Variants in LRP1B observed in about 807,000 individuals in gnomAD.
LRP1B encodes the protein LDL receptor related protein 1B.
In LRP1B, 217 loss-of-function variants were observed where a neutral mutation model predicts 556.6. The ratio of observed to expected loss-of-function variants is 0.39; its 90% CI spans 0.35 to 0.44. LRP1B has a LOEUF of 0.44. Among genes scored for constraint, LRP1B ranks in the 20% least tolerant of loss-of-function variants. The probability of loss-of-function intolerance (pLI) is 1.00; values close to 1 mark genes in which losing one functional copy is unlikely to be tolerated. For synonymous variants in LRP1B, 2,047 were observed against 1,865.8 expected, an observed-to-expected ratio of 1.10 and a Z score of -2.50; for missense variants, 5,053 against 5,620.8, an observed-to-expected ratio of 0.90 and a Z score of 3.23.
chr2:141,908,198 T>C (rs1402052295), intron 1 of LRP1B, among the ~76,000 whole-genome samples: 1 of 152,092 alleles, frequency 6.6e-6, no homozygotes, highest in Non-Finnish European at 1.5e-5. Context: ...ACTTGATATA[T>C]ATATGTTATT....
At chr2:141,183,975 C>G (rs1681123926) in intron 7 of LRP1B, among the ~76,000 whole-genome samples, 1 of 152,076 alleles carries the variant, frequency 6.6e-6, no homozygotes, top group Non-Finnish European at 1.5e-5. Flanking sequence ...GAAATGCACT[C>G]TGTCTCAAGT....
chr2:141,344,066 T>C (rs893581603), intron 3 of LRP1B, among the ~76,000 whole-genome samples: 3 of 152,152 alleles, frequency 2.0e-5, no homozygotes, highest in Admixed American at 1.3e-4. Flanking sequence ...TCAGGAAACA[T>C]TGCCCTTTAT....
intron 2 of LRP1B, among the ~76,000 whole-genome samples, chr2:141,516,149 T>C (rs1180875168): frequency 6.6e-6 from 1 of 152,138 alleles, no homozygotes; most frequent in East Asian, 1.9e-4. Flanking sequence ...CAGGAAACTG[T>C]TTCTGGCCAC....
intron 77 of LRP1B, among the ~76,000 whole-genome samples, chr2:140,342,454 C>G (rs973473381): frequency 1.6e-4 from 24 of 151,520 alleles, no homozygotes; most frequent in Admixed American, 2.6e-4. Flanking sequence ...AAATGCAATG[C>G]AACATCAATC....
At chr2:141,894,385 C>T (rs1699374983) in intron 1 of LRP1B, among the ~76,000 whole-genome samples, 2 of 151,980 alleles carry the variant, frequency 1.3e-5, no homozygotes, top group African/African-American at 2.4e-5. Context: ...TCCCTCCTTC[C>T]ATTCCTTCCT....
At chr2:141,352,234 C>T (rs960075752) in intron 3 of LRP1B, among the ~76,000 whole-genome samples, 19 of 151,764 alleles carry the variant, frequency 1.3e-4, no homozygotes, top group Non-Finnish European at 2.9e-5. Flanking sequence ...GTTTGCAATA[C>T]GTGTTTACTA....
intron 86 of LRP1B, among the ~76,000 whole-genome samples, chr2:140,247,391 A>G (rs1290435471): frequency 1.3e-5 from 2 of 151,580 alleles, no homozygotes; most frequent in Non-Finnish European, 3.0e-5. Flanking sequence ...ATTTATAGAC[A>G]TTTTACTTAT....
At chr2:141,954,076 A>C (rs1393386672) in intron 1 of LRP1B, among the ~76,000 whole-genome samples, 1 of 152,154 alleles carries the variant, frequency 6.6e-6, no homozygotes, top group African/African-American at 2.4e-5. Flanking sequence ...GCAATCGCTG[A>C]GAGTAGAAAG....
intron 2 of LRP1B, among the ~76,000 whole-genome samples, chr2:141,683,272 C>A (rs1452228398): frequency 6.6e-6 from 1 of 152,108 alleles, no homozygotes; most frequent in Non-Finnish European, 1.5e-5. Context: ...TTTCTTTGAA[C>A]AGGCTGTTAG....
chr2:141,425,581 G>A (rs1680331504), intron 3 of LRP1B, among the ~76,000 whole-genome samples: 1 of 148,046 alleles, frequency 6.8e-6, no homozygotes, highest in Non-Finnish European at 1.5e-5. Flanking sequence ...TCCAGCACCT[G>A]TTGTTTCCTG....
At chr2:141,504,088 A>G (rs1018201725) in intron 2 of LRP1B, among the ~76,000 whole-genome samples, 2 of 152,142 alleles carry the variant, frequency 1.3e-5, no homozygotes, top group East Asian at 3.9e-4. Context: ...TCACATGTCC[A>G]AAGGAGGGAT....
chr2:141,427,173 G>T (rs1426318531), intron 3 of LRP1B, among the ~76,000 whole-genome samples: 1 of 152,000 alleles, frequency 6.6e-6, no homozygotes, highest in Non-Finnish European at 1.5e-5. Flanking sequence ...AGCAACTTAG[G>T]CATTAAAATC....
intron 4 of LRP1B, among the ~76,000 whole-genome samples, chr2:141,249,008 A>G (rs899666285): frequency 8.5e-5 from 13 of 152,132 alleles, no homozygotes; most frequent in Admixed American, 6.6e-4. Flanking sequence ...AGAGGATGTA[A>G]GAAGTATAGA....
intron 2 of LRP1B, among the ~76,000 whole-genome samples, chr2:141,654,229 A>AT (rs1456769790): frequency 6.6e-6 from 1 of 152,158 alleles, no homozygotes; most frequent in African/African-American, 2.4e-5. Context: ...ATCACATGAG[A>AT]TTTTCTCAAA....
rs75482800 is a variant in LRP1B, at chr2:140,319,942, C to T, written c.12640+2021G>A. Among the ~76,000 whole-genome samples the T allele has an allele frequency of 4.3e-3, 652 of 152,188 alleles. 9 individuals are homozygous for T. The East Asian group carries it at 0.043, about 10-fold the overall frequency. ...ATGATTCACACTTAGCTCTCTGTTA[C>T]AAATTTTCCAACCTTATTACCCAAA... On this transcript the variant is annotated intron_variant, in intron 82 of 90. Coordinates refer to ENST00000389484, the MANE Select transcript of LRP1B (RefSeq NM_018557.3).
At chr2:142,033,993 A>C (rs773029628) in intron 1 of LRP1B, among the ~76,000 whole-genome samples, 2 of 151,716 alleles carry the variant, frequency 1.3e-5, no homozygotes, top group Non-Finnish European at 2.9e-5. Flanking sequence ...TTTGCATTAA[A>C]ATTGTAGTCT....
At chr2:140,741,557 T>A (rs1293513169) in intron 35 of LRP1B, among the ~76,000 whole-genome samples, 2 of 152,086 alleles carry the variant, frequency 1.3e-5, no homozygotes, top group Non-Finnish European at 2.9e-5. Context: ...TCACAGGAGT[T>A]TGGTGTACAA....
intron 1 of LRP1B, among the ~76,000 whole-genome samples, chr2:141,850,261 A>G (rs1037652172): frequency 1.2e-4 from 18 of 151,822 alleles, no homozygotes; most frequent in African/African-American, 4.3e-4. Flanking sequence ...AATAAAAAGA[A>G]TTTAAAATAG....
At chr2:140,971,703 G>C (rs550850499) in intron 18 of LRP1B, among the ~76,000 whole-genome samples, 1 of 152,040 alleles carries the variant, frequency 6.6e-6, no homozygotes, top group African/African-American at 2.4e-5. Flanking sequence ...GCATGGTGGC[G>C]GGCGCCTGTA....
Sources: gnomAD v4.1 joint callset for allele counts (sites outside exome capture counted in the v4.1 genomes callset) on GRCh38, gnomAD v4.1.1 for gene constraint, MANE v1.5 for transcripts, NCBI Gene and HGNC (gene_info 2026-07-23, HGNC 2026-07-21) for gene names.